Variants in KDM6A observed in about 807,000 individuals in gnomAD.
KDM6A encodes the protein lysine-specific demethylase 6A.
Under a neutral mutation model 117.6 loss-of-function variants are expected in KDM6A, and 11 were observed. That is an observed-to-expected ratio of 0.09 (90% CI 0.06 to 0.15). The LOEUF is 0.15. Ranked by LOEUF, KDM6A falls within the 10% of genes least tolerant of loss-of-function variation. KDM6A has a pLI of 1.00. For synonymous variants in KDM6A, 384 were observed against 396.1 expected (o/e 0.97, Z 0.36); for missense variants, 799 against 1,077.3 (o/e 0.74, Z 3.62).
At chrX:45,092,059 C>T (rs1424784393) in intron 27 of KDM6A, among the ~76,000 whole-genome samples, 1 of 111,049 alleles carries the variant, frequency 9.0e-6, no homozygotes, top group African/African-American at 3.3e-5. Flanking sequence ...TAATGTACTA[C>T]AAATTCTTTA....
At chrX:44,991,421 A>G (rs2040577347) in intron 4 of KDM6A, among the ~76,000 whole-genome samples, 1 of 108,788 alleles carries the variant, frequency 9.2e-6, no homozygotes, top group African/African-American at 3.4e-5. Context: ...ACCACTATCT[A>G]GTTCAGGACC....
chrX:45,096,251 G>A (rs1425066517), intron 27 of KDM6A, among the ~76,000 whole-genome samples: 2 of 111,514 alleles, frequency 1.8e-5, no homozygotes, highest in Non-Finnish European at 3.8e-5. Flanking sequence ...TCATAGTTAA[G>A]TGGTAAGCCC....
chrX:44,981,808 G>A (rs1602432945), intron 4 of KDM6A, among the ~76,000 whole-genome samples: 1 of 111,872 alleles, frequency 8.9e-6, no homozygotes, highest in African/African-American at 3.2e-5. Flanking sequence ...AGGGCTGGGC[G>A]CAGTAGCTCA....
intron 2 of KDM6A, among the ~76,000 whole-genome samples, chrX:44,946,237 C>T (rs1020246901): frequency 2.5e-4 from 28 of 111,085 alleles, no homozygotes; most frequent in African/African-American, 9.2e-4. Context: ...ATTACAGGTG[C>T]ACACCACCAT....
chrX:44,945,663 C>T (rs1461073893), intron 2 of KDM6A, among the ~76,000 whole-genome samples: 1 of 111,364 alleles, frequency 9.0e-6, no homozygotes, highest in Non-Finnish European at 1.9e-5. Flanking sequence ...TTTGGATGGT[C>T]AAATTTCATA....
At chrX:44,993,649 C>T (rs1196156018) in intron 4 of KDM6A, among the ~76,000 whole-genome samples, 2 of 111,490 alleles carry the variant, frequency 1.8e-5, no homozygotes, top group Admixed American at 9.5e-5. Flanking sequence ...TCGCGGATCA[C>T]GAGGTCAAGA....
intron 2 of KDM6A, among the ~76,000 whole-genome samples, chrX:44,918,520 A>G (rs2035701467): frequency 9.0e-6 from 1 of 111,663 alleles, no homozygotes; most frequent in African/African-American, 3.3e-5. Context: ...TCAAAATATG[A>G]GAAGAATAAG....
chrX:44,967,603 A>G (rs73488901), intron 3 of KDM6A, among the ~76,000 whole-genome samples: 1,501 of 111,531 alleles, frequency 0.013, 32 homozygotes, highest in African/African-American at 0.047. Context: ...AGTTCCTTTA[A>G]AAAAAACAAA....
At chrX:45,017,577 G>T (rs1443479555) in intron 5 of KDM6A, among the ~76,000 whole-genome samples, 1 of 111,295 alleles carries the variant, frequency 9.0e-6, no homozygotes, top group Non-Finnish European at 1.9e-5. Flanking sequence ...ACGCACACAG[G>T]AGAAGAACAT....
chrX:44,987,766 C>T (rs1221131281), intron 4 of KDM6A, among the ~76,000 whole-genome samples: 1 of 111,978 alleles, frequency 8.9e-6, no homozygotes, highest in African/African-American at 3.3e-5. Context: ...ATAGTTTCTG[C>T]TGAGAGATCA....
chrX:45,082,900 A>C (rs1435018291), intron 23 of KDM6A, 111 bp downstream of exon 23: 2 of 543,130 alleles, frequency 3.7e-6, no homozygotes, highest in Admixed American at 6.9e-5. Flanking sequence ...ATTTTTTTTA[A>C]GTTGACATGA....
At chrX:44,911,775 G>A (rs180692848) in intron 2 of KDM6A, among the ~76,000 whole-genome samples, 6 of 112,105 alleles carry the variant, frequency 5.4e-5, no homozygotes, top group Non-Finnish European at 1.1e-4. Flanking sequence ...CTGCAATACC[G>A]GCACCTCGGG....
intron 8 of KDM6A, among the ~76,000 whole-genome samples, chrX:45,040,242 A>G (rs2043016003): frequency 1.1e-5 from 1 of 91,779 alleles, no homozygotes; most frequent in South Asian, 6.2e-4. Context: ...CACCTCCTGG[A>G]TAGGGCGGCT....
intron 7 of KDM6A, among the ~76,000 whole-genome samples, chrX:45,037,058 A>G (rs1461840512): frequency 3.6e-5 from 4 of 112,545 alleles, no homozygotes; most frequent in African/African-American, 3.2e-5. Flanking sequence ...TTTACTTTAG[A>G]CAGTCTACTT....
chrX:44,896,578 C>CT (rs1263861478), intron 2 of KDM6A, among the ~76,000 whole-genome samples: 12 of 92,330 alleles, frequency 1.3e-4, no homozygotes, highest in African/African-American at 2.3e-4. Context: ...TTCCAAAGTT[C>CT]TTTTTTTTTT....
rs2046790401 is a variant in KDM6A at position 45,112,344 on chromosome X, A to G, written c.*933A>G. 7.8e-6 allele frequency: 1 copy of G among 127,801 alleles called. No individual in the cohort carries two copies. The highest frequency in any genetic ancestry group is 1.6e-5 in the Non-Finnish European group (1 of 63,484). 10.5% of individuals were successfully genotyped at this position (127,801 alleles called of 1,213,427 possible). On this transcript the variant is annotated 3_prime_UTR_variant, in exon 30 of 30. Coordinates refer to ENST00000611820, the MANE Select transcript of KDM6A (RefSeq NM_001291415.2). ...ATCTGATTATATATATTTTATATAT[A>G]CTTATGTATGTATATATAATATATA...
At chrX:44,951,378 C>T (rs1297492779) in intron 2 of KDM6A, among the ~76,000 whole-genome samples, 7 of 111,726 alleles carry the variant, frequency 6.3e-5, no homozygotes, top group Non-Finnish European at 1.3e-4. Context: ...TTTCCAGATA[C>T]ATACCACACT....
At chrX:45,038,600 G>T (rs900072622) in intron 8 of KDM6A, among the ~76,000 whole-genome samples, 1 of 107,892 alleles carries the variant, frequency 9.3e-6, no homozygotes, top group Admixed American at 1.0e-4. Flanking sequence ...ATTTGGGGGG[G>T]GGTGGTTGGA....
chrX:45,047,674 C>CTTTTTTTTTTTTTTTTT lies in KDM6A; in HGVS notation c.655-4022_655-4006dup, dbSNP rs78749806. On this transcript the variant is annotated intron_variant, in intron 8 of 29. Transcript: ENST00000611820. Reference sequence around the variant, plus strand: ...TCAAATATCTGCTTGCTTTTTTTTTCTTTTTTTTTTTTTTTTTTTTTTTTT... The same window carrying CTTTTTTTTTTTTTTTTT: ...TCAAATATCTGCTTGCTTTTTTTTTCTTTTTTTTTTTTTTTTTTTTTTTTTTTTTTTTTTTTTTTTTT... 3.4e-3 allele frequency among the ~76,000 whole-genome samples: 122 copies of CTTTTTTTTTTTTTTTTT among 36,357 alleles called. 46 individuals are homozygous for CTTTTTTTTTTTTTTTTT. The highest frequency in any genetic ancestry group is 5.1e-3 in the Non-Finnish European group (100 of 19,608). The allele number at this position is 36,357 out of a possible 115,157, so 31.6% of individuals were successfully genotyped here.
Sources: gnomAD v4.1 joint callset for allele counts (sites outside exome capture counted in the v4.1 genomes callset) on GRCh38, gnomAD v4.1.1 for gene constraint, MANE v1.5 for transcripts, NCBI Gene and HGNC (gene_info 2026-07-23, HGNC 2026-07-21) for gene names.